CNTNAP2: variants seen among roughly 807,000 people sequenced by gnomAD.
CNTNAP2 encodes the protein contactin associated protein 2.
In CNTNAP2, 98 loss-of-function variants were observed where a neutral mutation model predicts 155.2. The ratio of observed to expected loss-of-function variants is 0.63; its 90% CI spans 0.54 to 0.75. The LOEUF is 0.75. Among genes scored for constraint, CNTNAP2 ranks in the 30% least tolerant of loss-of-function variants. The pLI is 0.00. For missense variants in CNTNAP2, 1,727 were observed against 1,688.1 expected, an observed-to-expected ratio of 1.02 and a Z score of -0.40; for synonymous variants, 651 against 631.2, an observed-to-expected ratio of 1.03 and a Z score of -0.47.
chr7:146,821,670 C>G (rs1324272819), intron 2 of CNTNAP2, among the ~76,000 whole-genome samples: 2 of 152,056 alleles, frequency 1.3e-5, no homozygotes, highest in Non-Finnish European at 2.9e-5. Flanking sequence ...AGGATGTGAA[C>G]AGACACTTCT....
intron 13 of CNTNAP2, among the ~76,000 whole-genome samples, chr7:147,713,106 C>A (rs558568583): frequency 6.6e-6 from 1 of 152,054 alleles, no homozygotes; most frequent in South Asian, 2.1e-4. Context: ...CTCCTAAGAA[C>A]ACGGTGGCAA....
chr7:147,052,824 T>C (rs1190910677), intron 4 of CNTNAP2, among the ~76,000 whole-genome samples: 1 of 152,058 alleles, frequency 6.6e-6, no homozygotes, highest in African/African-American at 2.4e-5. Context: ...ATTAATGAGG[T>C]AATTAAAATT....
At chr7:146,286,640 C>T (rs1246397359) in intron 1 of CNTNAP2, among the ~76,000 whole-genome samples, 3 of 152,144 alleles carry the variant, frequency 2.0e-5, no homozygotes, top group African/African-American at 7.2e-5. Context: ...AGACAACAGC[C>T]CAAATCCTGA....
chr7:147,247,133 T>A (rs553944946), intron 8 of CNTNAP2, among the ~76,000 whole-genome samples: 2 of 152,192 alleles, frequency 1.3e-5, no homozygotes, highest in African/African-American at 4.8e-5. Context: ...ATAATCCAGC[T>A]AGGACATATT....
At chr7:146,641,776 G>A (rs1222116597) in intron 1 of CNTNAP2, among the ~76,000 whole-genome samples, 3 of 152,258 alleles carry the variant, frequency 2.0e-5, no homozygotes, top group Middle Eastern at 3.4e-3. Context: ...GAGAATTACA[G>A]TTTTACAACT....
At chr7:146,638,037 A>G (rs1257741409) in intron 1 of CNTNAP2, among the ~76,000 whole-genome samples, 1 of 152,196 alleles carries the variant, frequency 6.6e-6, no homozygotes, top group Non-Finnish European at 1.5e-5. Flanking sequence ...GCAGTAACCC[A>G]TGCTGTGTAG....
chr7:147,656,788 C>T (rs183561930), intron 13 of CNTNAP2, among the ~76,000 whole-genome samples: 2,521 of 152,134 alleles, frequency 0.017, 218 homozygotes, highest in Admixed American at 0.15. Context: ...CAAAAAAACC[C>T]GATGCCAATA....
chr7:147,512,163 A>G (rs904902301), intron 11 of CNTNAP2, among the ~76,000 whole-genome samples: 6 of 152,156 alleles, frequency 3.9e-5, no homozygotes, highest in African/African-American at 1.4e-4. Flanking sequence ...GGAGCTCTCC[A>G]CACTCTCACC....
At chr7:147,075,220 G>A (rs975761595) in intron 4 of CNTNAP2, among the ~76,000 whole-genome samples, 6 of 152,166 alleles carry the variant, frequency 3.9e-5, no homozygotes, top group Admixed American at 3.9e-4. Flanking sequence ...TGTACTTTGT[G>A]TGGGTAAACA....
intron 1 of CNTNAP2, among the ~76,000 whole-genome samples, chr7:146,708,984 A>G (rs1179189300): frequency 6.6e-6 from 1 of 152,138 alleles, no homozygotes; most frequent in East Asian, 1.9e-4. Flanking sequence ...CAAGATCACT[A>G]TGGGAATTAA....
chr7:147,145,787 G>A (rs777172120), intron 8 of CNTNAP2, among the ~76,000 whole-genome samples: 2 of 152,060 alleles, frequency 1.3e-5, no homozygotes, highest in Non-Finnish European at 2.9e-5. Flanking sequence ...CTTTCTTTGT[G>A]GAAATTTTGT....
chr7:148,351,349 A>G (rs1798420811), intron 21 of CNTNAP2, among the ~76,000 whole-genome samples: 1 of 152,082 alleles, frequency 6.6e-6, no homozygotes, highest in African/African-American at 2.4e-5. Context: ...CAAAGCAGCT[A>G]TGAGAGGAGC....
chr7:147,654,071 A>G (rs1795489172), intron 13 of CNTNAP2, among the ~76,000 whole-genome samples: 2 of 152,172 alleles, frequency 1.3e-5, no homozygotes, highest in South Asian at 4.1e-4. Flanking sequence ...AACAATTTAT[A>G]AGGTTCTAAT....
intron 21 of CNTNAP2, among the ~76,000 whole-genome samples, chr7:148,362,750 T>C (rs1177942): frequency 0.36 from 54,052 of 152,026 alleles, 10,016 homozygotes; most frequent in Non-Finnish European, 0.39. Flanking sequence ...AAACAGTCTA[T>C]GCTTTGGCAA....
chr7:148,224,784 A>G (rs1015287924), intron 19 of CNTNAP2, among the ~76,000 whole-genome samples: 18 of 152,352 alleles, frequency 1.2e-4, no homozygotes, highest in Non-Finnish European at 2.4e-4. Context: ...AACTTACAGT[A>G]ATGGTGGAAG....
chr7:148,230,650 T>A (rs764446986), intron 20 of CNTNAP2, among the ~76,000 whole-genome samples: 1 of 152,188 alleles, frequency 6.6e-6, no homozygotes, highest in Non-Finnish European at 1.5e-5. Context: ...AAGCCCTATC[T>A]CTTTTGAGCA....
chr7:147,946,145 C>T (rs913898063), intron 14 of CNTNAP2, among the ~76,000 whole-genome samples: 1 of 152,106 alleles, frequency 6.6e-6, no homozygotes, highest in Non-Finnish European at 1.5e-5. Flanking sequence ...CAACTGAGGT[C>T]TGGAAACTTC....
chr7:148,052,880 C>T (rs1193477005), intron 15 of CNTNAP2, among the ~76,000 whole-genome samples: 1 of 152,100 alleles, frequency 6.6e-6, no homozygotes, highest in African/African-American at 2.4e-5. Flanking sequence ...AACCTCATAT[C>T]TAGTAAAAAT....
chr7:148,253,139 A>G (rs569235300), intron 20 of CNTNAP2, among the ~76,000 whole-genome samples: 3 of 152,160 alleles, frequency 2.0e-5, no homozygotes, highest in Non-Finnish European at 2.9e-5. Context: ...TTTGCATCCT[A>G]GCATTCAAAG....
Sources: gnomAD v4.1 joint callset for allele counts (sites outside exome capture counted in the v4.1 genomes callset) on GRCh38, gnomAD v4.1.1 for gene constraint, MANE v1.5 for transcripts, NCBI Gene and HGNC (gene_info 2026-07-23, HGNC 2026-07-21) for gene names.